Variants in PPP3CC observed in about 807,000 individuals in gnomAD.
PPP3CC encodes the protein protein phosphatase 3 catalytic subunit gamma.
A neutral mutation model predicts 60.3 loss-of-function variants in PPP3CC; 35 were observed. The observed-to-expected ratio is 0.58, with a 90% CI of 0.44 to 0.77. The LOEUF (loss-of-function observed/expected upper bound fraction) is 0.77. Among genes scored for constraint, PPP3CC ranks in the 30% least tolerant of loss-of-function variants. The pLI, the probability that PPP3CC is intolerant of heterozygous loss-of-function variation, is 0.00. For missense variants in PPP3CC, 570 were observed against 628.9 expected (o/e 0.91, Z 1.00); for synonymous variants, 206 against 224.3 (o/e 0.92, Z 0.73).
intron 10 of PPP3CC, among the ~76,000 whole-genome samples, chr8:22,528,802 GTTAA>G (rs1387036732): frequency 6.6e-6 from 1 of 152,180 alleles, no homozygotes; most frequent in African/African-American, 2.4e-5. Context: ...TGTATACTGT[GTTAA>G]TTGTCTTTTA....
In PPP3CC at chr8:22,441,415, C is replaced by G; in HGVS notation, c.6C>G (p.Ser2=). The G allele has an allele frequency of 6.5e-7, 1 of 1,543,896 alleles. No homozygotes were observed. Among genetic ancestry groups the G allele is most frequent in the African/African-American group, 1.4e-5 (1 of 71,836 alleles). Residue 2 remains serine, a synonymous_variant, in exon 1 of 14, where the codon TCC becomes TCG. Transcript: ENST00000240139. ...TGGAGGAGGCCGAGGGGACCATGTC[C>G]GGGAGGCGCTTCCACCTCTCCACCA... The part of the protein sequence containing the change: M[S]GRRFHLSTTD...
At chr8:22,513,500 A>T (rs1839152711) in intron 6 of PPP3CC, 68 bp downstream of exon 6, 1 of 1,462,066 alleles carries the variant, frequency 6.8e-7, no homozygotes, top group Admixed American at 2.3e-5. Context: ...ATGATTTTTC[A>T]GCATTTTATA....
intron 1 of PPP3CC, among the ~76,000 whole-genome samples, chr8:22,450,823 A>AT (rs1160520978): frequency 6.8e-6 from 1 of 146,342 alleles, no homozygotes; most frequent in East Asian, 2.0e-4. Flanking sequence ...TTATTTATTT[A>AT]TTTATTTATT....
chr8:22,525,528 TTCTTTCTTTCTCTCCCTC>T (rs1376159973), intron 8 of PPP3CC, among the ~76,000 whole-genome samples: 2 of 109,442 alleles, frequency 1.8e-5, no homozygotes, highest in Non-Finnish European at 3.8e-5. Flanking sequence ...CTTTCTTTCT[TTCTTTCTTTCTCTCCCTC>T]TCTCTCTCTC....
At chr8:22,509,059 C>G (rs1839007178) in intron 4 of PPP3CC, among the ~76,000 whole-genome samples, 1 of 152,136 alleles carries the variant, frequency 6.6e-6, no homozygotes, top group Admixed American at 6.5e-5. Context: ...GAACTCAAAC[C>G]CTAATCACCC....
rs376222936 is a variant in PPP3CC, at chr8:22,512,487, A to G, written c.631-806A>G. 6.2e-4 allele frequency among the ~76,000 whole-genome samples: 94 copies of G among 152,200 alleles called. 1 individual carries two copies. The East Asian group carries it at 0.011, about 18-fold the overall frequency. On this transcript the variant is annotated intron_variant, in intron 5 of 13. Transcript: ENST00000240139. ...TAATAACTCATATTGAAATACCTCA[A>G]CTGCATAGACTGGAAAGGATAAATG...
intron 10 of PPP3CC, chr8:22,531,439 G>A (rs1839713803): frequency 6.4e-6 from 7 of 1,097,986 alleles, no homozygotes; most frequent in South Asian, 4.1e-5. Context: ...CTCTCCATCC[G>A]CCCCTTCAGT....
At chr8:22,447,850 GT>G (rs1364024903) in intron 1 of PPP3CC, among the ~76,000 whole-genome samples, 3 of 152,100 alleles carry the variant, frequency 2.0e-5, no homozygotes, top group African/African-American at 7.2e-5. Flanking sequence ...TTTGAAGAGG[GT>G]TTAACTTGGT....
chr8:22,492,027 T>C (rs1706122580), intron 3 of PPP3CC, among the ~76,000 whole-genome samples: 1 of 152,062 alleles, frequency 6.6e-6, no homozygotes, highest in South Asian at 2.1e-4. Flanking sequence ...TTCTGAGAAA[T>C]GGGTGCCGAT....
chr8:22,475,296 T>C (rs1837853036), intron 2 of PPP3CC, 145 bp downstream of exon 2: 2 of 987,378 alleles, frequency 2.0e-6, no homozygotes, highest in Non-Finnish European at 2.9e-6. Context: ...AGGATATTTG[T>C]TGTTAATTGA....
At chr8:22,463,472 A>G (rs1442983009) in intron 1 of PPP3CC, among the ~76,000 whole-genome samples, 2 of 152,248 alleles carry the variant, frequency 1.3e-5, no homozygotes, top group Admixed American at 6.5e-5. Flanking sequence ...AATGTAAGGA[A>G]GAAGCGGAAA....
intron 1 of PPP3CC, among the ~76,000 whole-genome samples, chr8:22,458,412 A>G (rs977849166): frequency 2.6e-5 from 4 of 152,064 alleles, no homozygotes; most frequent in African/African-American, 9.7e-5. Context: ...AGCCTGACCA[A>G]CATGGTGAAA....
At chr8:22,443,234 G>A (rs1482619532) in intron 1 of PPP3CC, among the ~76,000 whole-genome samples, 1 of 152,052 alleles carries the variant, frequency 6.6e-6, no homozygotes, top group Non-Finnish European at 1.5e-5. Context: ...TAAAATGCAG[G>A]GGCTAGGGGC....
intron 3 of PPP3CC, among the ~76,000 whole-genome samples, chr8:22,491,592 C>T (rs1359030267): frequency 6.6e-6 from 1 of 152,122 alleles, no homozygotes; most frequent in African/African-American, 2.4e-5. Flanking sequence ...TTAAGTGCTG[C>T]TTTATCTGAG....
intron 8 of PPP3CC, among the ~76,000 whole-genome samples, chr8:22,524,341 C>G (rs1023625477): frequency 1.3e-5 from 2 of 152,144 alleles, no homozygotes; most frequent in Non-Finnish European, 2.9e-5. Flanking sequence ...AATGGCACAT[C>G]TCATTTAAAT....
chr8:22,477,702 G>A (rs1004913926), intron 3 of PPP3CC, among the ~76,000 whole-genome samples: 8 of 151,560 alleles, frequency 5.3e-5, no homozygotes, highest in African/African-American at 1.5e-4. Flanking sequence ...ACACAGGTGC[G>A]ATCATTTCGT....
intron 1 of PPP3CC, among the ~76,000 whole-genome samples, chr8:22,453,869 G>A (rs1218975193): frequency 2.6e-5 from 4 of 152,130 alleles, no homozygotes; most frequent in Non-Finnish European, 5.9e-5. Flanking sequence ...ATAAAAAATG[G>A]TCCACCTGTG....
At chr8:22,490,959 G>A (rs936576238) in intron 3 of PPP3CC, among the ~76,000 whole-genome samples, 2 of 152,026 alleles carry the variant, frequency 1.3e-5, no homozygotes, top group Admixed American at 6.6e-5. Context: ...AATCCTTTGG[G>A]TATATATCCA....
At chr8:22,443,648 G>A (rs933146148) in intron 1 of PPP3CC, among the ~76,000 whole-genome samples, 5 of 151,798 alleles carry the variant, frequency 3.3e-5, no homozygotes, top group African/African-American at 4.8e-5. Flanking sequence ...CGAATATTGT[G>A]TACTTTTAAG....
Sources: gnomAD v4.1 joint callset for allele counts (sites outside exome capture counted in the v4.1 genomes callset) on GRCh38, gnomAD v4.1.1 for gene constraint, MANE v1.5 for transcripts, NCBI Gene and HGNC (gene_info 2026-07-23, HGNC 2026-07-21) for gene names.